The following INO80 variants were observed in gnomAD, a reference collection of about 807,000 sequenced individuals.
The protein encoded by INO80 is INO80 complex ATPase subunit, also known as chromatin-remodeling ATPase INO80.
In INO80, 20 loss-of-function variants were observed where a neutral mutation model predicts 203.4. The observed-to-expected ratio is 0.10, with a 90% CI of 0.07 to 0.14. The LOEUF is 0.14. Among genes scored for constraint, INO80 ranks in the 10% least tolerant of loss-of-function variants. INO80 has a pLI of 1.00. For synonymous variants in INO80, 726 were observed against 685.2 expected, an observed-to-expected ratio of 1.06 and a Z score of -0.93; for missense variants, 1,419 against 1,914.4, an observed-to-expected ratio of 0.74 and a Z score of 4.83.
chr15:41,089,117 G>A (rs1040322280), intron 5 of INO80, among the ~76,000 whole-genome samples: 1 of 152,146 alleles, frequency 6.6e-6, no homozygotes, highest in Non-Finnish European at 1.5e-5. Flanking sequence ...CTGAACCCAG[G>A]AGGCAGAGGT....
At chr15:41,012,052 A>C (rs2044139971) in intron 27 of INO80, among the ~76,000 whole-genome samples, 1 of 152,150 alleles carries the variant, frequency 6.6e-6, no homozygotes. Context: ...TAAACTACAA[A>C]CTCAGTTGCT....
chr15:41,075,683 C>T (rs925003003), intron 9 of INO80, among the ~76,000 whole-genome samples: 1 of 152,020 alleles, frequency 6.6e-6, no homozygotes, highest in African/African-American at 2.4e-5. Flanking sequence ...CTCAATCTCC[C>T]GACCTCATGA....
At chr15:41,058,803 G>C in intron 15 of INO80, 22 bp from the exon 16 acceptor site, 1 of 1,598,498 alleles carries the variant, frequency 6.3e-7, no homozygotes, top group South Asian at 1.1e-5. Flanking sequence ...AAAGGGGAAG[G>C]GTGAAAAGAG....
Position 41,116,025 on chromosome 15 carries a change from C to T in INO80, c.-96G>A. On this transcript the variant is annotated 5_prime_UTR_variant, in exon 1 of 36. Coordinates refer to ENST00000648947, the MANE Select transcript of INO80 (RefSeq NM_017553.3). ...ACGGCGGCGGAGGGGGGGCGGGGTG[C>T]GGGCGGGGTCCGGAGGGGGGGGTCG... 2.6e-6 allele frequency: 1 copy of T among 391,574 alleles called. No individual in the cohort carries two copies. The highest frequency in any genetic ancestry group is 4.5e-6 in the Non-Finnish European group (1 of 221,894). The allele number at this position is 391,574 out of a possible 1,614,324, so 24.3% of individuals were successfully genotyped here.
At chr15:41,042,599 G>A (rs969101126) in intron 24 of INO80, among the ~76,000 whole-genome samples, 3 of 152,068 alleles carry the variant, frequency 2.0e-5, no homozygotes, top group East Asian at 1.9e-4. Flanking sequence ...TCAGCCTCCC[G>A]AGTAGCTGGG....
At chr15:41,110,846 G>A (rs1358298084) in intron 1 of INO80, among the ~76,000 whole-genome samples, 1 of 152,182 alleles carries the variant, frequency 6.6e-6, no homozygotes, top group East Asian at 1.9e-4. Context: ...GATGGTGAAT[G>A]CCATCTTAAA....
intron 1 of INO80, 60 bp downstream of exon 1, chr15:41,115,913 G>A (rs1038820883): frequency 7.9e-6 from 3 of 381,910 alleles, no homozygotes; most frequent in African/African-American, 6.3e-5. Flanking sequence ...CGCAGAGAGG[G>A]GCGCAACAAG....
chr15:41,080,960 AAAG>A (rs1406748682), intron 8 of INO80, 57 bp downstream of exon 8: 40 of 1,112,206 alleles, frequency 3.6e-5, no homozygotes, highest in Admixed American at 1.2e-4. Flanking sequence ...GATGGACCCC[AAAG>A]AAGAAGAATA....
chr15:41,093,419 C>T (rs1290876698), intron 4 of INO80, among the ~76,000 whole-genome samples: 1 of 150,148 alleles, frequency 6.7e-6, no homozygotes, highest in South Asian at 2.1e-4. Context: ...AGCAAGACTC[C>T]GTCTCAAAAA....
chr15:41,013,353 A>G (rs1179005674), intron 27 of INO80: 1 of 152,242 alleles, frequency 6.6e-6, no homozygotes, highest in Non-Finnish European at 1.5e-5. Flanking sequence ...CTCAATGGAC[A>G]GGATCTATTC....
At chr15:41,038,727 T>G (rs1205566554) in intron 24 of INO80, among the ~76,000 whole-genome samples, 2 of 152,194 alleles carry the variant, frequency 1.3e-5, no homozygotes, top group African/African-American at 4.8e-5. Flanking sequence ...TACCTGACAC[T>G]TGAAACTTTT....
chr15:41,012,480 T>A (rs764609041), intron 27 of INO80, among the ~76,000 whole-genome samples: 2 of 146,592 alleles, frequency 1.4e-5, no homozygotes, highest in East Asian at 4.1e-4. Context: ...GAAGAATTGC[T>A]TGAACCCGGC....
chr15:41,031,562 GAAGGGAGGAAGGGAGGA>G (rs1566919091), intron 24 of INO80, among the ~76,000 whole-genome samples: 1 of 3,056 alleles, frequency 3.3e-4, no homozygotes, highest in Non-Finnish European at 1.4e-3. Flanking sequence ...AGGAAGGGAG[GAAGGGAGGAAGGGAGGA>G]AGGGAGGAAG....
chr15:41,108,485 G>A (rs1036889210), intron 1 of INO80, among the ~76,000 whole-genome samples: 2 of 151,824 alleles, frequency 1.3e-5, no homozygotes, highest in Admixed American at 1.3e-4. Flanking sequence ...CCAGCTACTT[G>A]GGAGGCTGAG....
At chr15:41,085,627 T>A (rs746496737) in intron 6 of INO80, 44 bp from the exon 7 acceptor site, 1 of 1,524,700 alleles carries the variant, frequency 6.6e-7, no homozygotes, top group East Asian at 2.3e-5. Context: ...CCACAGGAGA[T>A]AGTCACAAAG....
At chr15:41,030,138 C>T (rs1045178991) in intron 24 of INO80, among the ~76,000 whole-genome samples, 1 of 152,108 alleles carries the variant, frequency 6.6e-6, no homozygotes, top group African/African-American at 2.4e-5. Flanking sequence ...TCAACAGAAA[C>T]CTGTTTCTTA....
intron 29 of INO80, among the ~76,000 whole-genome samples, chr15:40,989,459 G>GTCCTT (rs1304083759): frequency 6.6e-6 from 1 of 152,162 alleles, no homozygotes; most frequent in Non-Finnish European, 1.5e-5. Flanking sequence ...CTCATGTGTT[G>GTCCTT]TCCTTTATAT....
At chr15:41,006,875 T>C (rs558157921) in intron 27 of INO80, among the ~76,000 whole-genome samples, 3 of 152,196 alleles carry the variant, frequency 2.0e-5, no homozygotes, top group African/African-American at 4.8e-5. Flanking sequence ...AAGAGAAGCA[T>C]AAAATAAAGT....
chr15:41,073,348 T>C, intron 11 of INO80, 80 bp downstream of exon 11: 1 of 1,179,090 alleles, frequency 8.5e-7, no homozygotes, highest in Non-Finnish European at 1.3e-6. Flanking sequence ...TGATTAAGAC[T>C]AAAGGAAGAC....
Sources: gnomAD v4.1 joint callset for allele counts (sites outside exome capture counted in the v4.1 genomes callset) on GRCh38, gnomAD v4.1.1 for gene constraint, MANE v1.5 for transcripts, NCBI Gene and HGNC (gene_info 2026-07-23, HGNC 2026-07-21) for gene names.